The following DIP2A variants were observed in gnomAD, a reference collection of about 807,000 sequenced individuals.
DIP2A encodes DIP2 acetate--CoA ligase A.
In DIP2A, 85 loss-of-function variants were observed where a neutral mutation model predicts 177.4. The ratio of observed to expected loss-of-function variants is 0.48; its 90% CI spans 0.40 to 0.57. DIP2A has a LOEUF of 0.57. Among genes scored for constraint, DIP2A ranks in the 20% least tolerant of loss-of-function variants. The probability of loss-of-function intolerance (pLI) is 0.00; values close to 1 mark genes in which losing one functional copy is unlikely to be tolerated. For missense variants in DIP2A, 1,791 were observed against 2,100.2 expected, an observed-to-expected ratio of 0.85 and a Z score of 2.88; for synonymous variants, 886 against 881.8, an observed-to-expected ratio of 1.00 and a Z score of -0.08.
At chr21:46,532,099 G>A (rs773525064) in intron 9 of DIP2A, 28 bp from the exon 10 acceptor site, 2 of 1,580,480 alleles carry the variant, frequency 1.3e-6, no homozygotes, top group Admixed American at 1.8e-5. Context: ...TGGAAATTTG[G>A]AATATTCATT....
chr21:46,483,012 G>C (rs567885281), intron 1 of DIP2A, among the ~76,000 whole-genome samples: 1 of 152,322 alleles, frequency 6.6e-6, no homozygotes, highest in East Asian at 1.9e-4. Flanking sequence ...GAGCATGTTG[G>C]TGTGGGTGGT....
chr21:46,555,091 A>G (rs2060416424), intron 28 of DIP2A, among the ~76,000 whole-genome samples, 158 bp downstream of exon 28: 3 of 152,168 alleles, frequency 2.0e-5, no homozygotes. Flanking sequence ...GGTGGGGAGT[A>G]GGGGTCCCTG....
intron 22 of DIP2A, among the ~76,000 whole-genome samples, chr21:46,550,272 C>A (rs777071023): frequency 2.6e-5 from 4 of 152,206 alleles, no homozygotes; most frequent in Admixed American, 6.5e-5. Flanking sequence ...TCACCATCAT[C>A]TCCTCATTGC....
the DIP2A span, among the ~76,000 whole-genome samples, chr21:46,582,087 C>G: frequency 6.6e-6 from 1 of 152,142 alleles, no homozygotes; most frequent in African/African-American, 2.4e-5. Context: ...TGCCCATCCC[C>G]CTAAGGACTC....
chr21:46,563,625 A>G lies in DIP2A; in HGVS notation c.4090-233A>G, dbSNP rs2060741680. On this transcript the variant is annotated intron_variant, in intron 34 of 37. Coordinates refer to ENST00000417564, the MANE Select transcript of DIP2A (RefSeq NM_015151.4). This position sits in a 1 kb window ranked among gnomAD's most constrained non-coding sequence, Gnocchi z 4.3. ...TGACCCTCTGCCCCTCCTGACACCCAGAGACGGGATCCCTTCTCAGGAACT... is the reference window on the plus strand; with the variant it reads ...TGACCCTCTGCCCCTCCTGACACCCGGAGACGGGATCCCTTCTCAGGAACT... The G allele has an allele frequency of 1.6e-6, 1 of 638,016 alleles. No individual in the cohort carries two copies. Among genetic ancestry groups the G allele is most frequent in the Non-Finnish European group, 2.5e-6 (1 of 403,432 alleles). The allele number at this position is 638,016 out of a possible 1,614,324, so 39.5% of individuals were successfully genotyped here. A position where few individuals can be genotyped will look rare whatever the true frequency, so the allele number is the denominator to read the frequency against.
intron 9 of DIP2A, among the ~76,000 whole-genome samples, chr21:46,529,622 A>C (rs1011369296): frequency 1.3e-5 from 2 of 150,912 alleles, no homozygotes; most frequent in African/African-American, 4.9e-5. Context: ...AAAAAAAAGC[A>C]GTGAAAAATA....
At chr21:46,540,767 A>G (rs9983952) in intron 17 of DIP2A, among the ~76,000 whole-genome samples, 1 of 152,188 alleles carries the variant, frequency 6.6e-6, no homozygotes, top group Admixed American at 6.5e-5. Context: ...TAATCCCAGC[A>G]CTTTGGGAGG....
At chr21:46,500,166 A>G (rs779215277) in intron 5 of DIP2A, among the ~76,000 whole-genome samples, 1 of 152,144 alleles carries the variant, frequency 6.6e-6, no homozygotes, top group Non-Finnish European at 1.5e-5. Context: ...TTGTGTTTCC[A>G]TTGAACATGT....
chr21:46,478,243 G>A (rs1470088199), intron 1 of DIP2A, among the ~76,000 whole-genome samples: 2 of 149,890 alleles, frequency 1.3e-5, no homozygotes, highest in East Asian at 2.0e-4. Context: ...AGGGAGTTTC[G>A]CTCTTGTTGC....
intron 8 of DIP2A, among the ~76,000 whole-genome samples, chr21:46,526,912 C>T (rs2059119279): frequency 2.0e-5 from 3 of 152,182 alleles, no homozygotes; most frequent in Admixed American, 2.0e-4. Flanking sequence ...CCTTTACTTA[C>T]TTCTCTCAGA....
intron 8 of DIP2A, among the ~76,000 whole-genome samples, chr21:46,519,645 T>A (rs1360447289): frequency 6.6e-6 from 1 of 152,120 alleles, no homozygotes; most frequent in Non-Finnish European, 1.5e-5. Context: ...GATTAATAAG[T>A]GTTCAGTTTA....
chr21:46,568,944 A>G lies in DIP2A; in HGVS notation c.*1322A>G, dbSNP rs1378199519. 6.6e-6 allele frequency: 1 copy of G among 152,190 alleles called. No homozygotes were observed. The highest frequency in any genetic ancestry group is 2.4e-5 in the African/African-American group (1 of 41,462). The allele number at this position is 152,190 out of a possible 1,614,324, so 9.4% of individuals were successfully genotyped here. A position where few individuals can be genotyped will look rare whatever the true frequency, so the allele number is the denominator to read the frequency against. On this transcript the variant is annotated 3_prime_UTR_variant, in exon 38 of 38. Transcript: ENST00000417564. ...TGTGCCTATAAAATTTGGCCAAACC[A>G]TTTTATTATTTTGTTCAAACTTGAC...
At position 46,557,025 on chromosome 21, in the gene DIP2A, C is replaced by T. The variant is rs931766422; in HGVS notation, c.3585C>T (p.Leu1195=). Residue 1195 remains leucine (L), a synonymous_variant, in exon 30 of 38, where the codon CTC becomes CTT. Coordinates refer to ENST00000417564, the MANE Select transcript of DIP2A (RefSeq NM_015151.4). The surrounding 1 kb of genome is among the most constrained non-coding windows in gnomAD (Gnocchi z 6.0). ...CCTCGCGGCAGATCGCCATCTGCCT[C>T]GACCCCTACTGTGGCCTTGGTTTTG... ...LYPSRQIAIC[L]DPYCGLGFAL... 1.9e-5 allele frequency: 30 copies of T among 1,603,982 alleles called. No homozygotes were observed. The highest frequency in any genetic ancestry group is 6.7e-5 in the East Asian group (3 of 44,558).
chr21:46,560,929 C>G, intron 33 of DIP2A, 146 bp downstream of exon 33: 1 of 1,472,096 alleles, frequency 6.8e-7, no homozygotes, highest in Non-Finnish European at 9.0e-7. Flanking sequence ...TGGATGGGCA[C>G]ATGAGAGGAC....
chr21:46,547,478 C>A (rs568624487), intron 21 of DIP2A, among the ~76,000 whole-genome samples: 1 of 152,170 alleles, frequency 6.6e-6, no homozygotes, highest in East Asian at 1.9e-4. Context: ...AAAGCAAGGA[C>A]CTTAGAGATT....
chr21:46,547,547 G>A (rs1569087662), intron 21 of DIP2A, among the ~76,000 whole-genome samples: 2 of 150,542 alleles, frequency 1.3e-5, no homozygotes, highest in African/African-American at 2.4e-5. Flanking sequence ...GCCAGGAAGA[G>A]AATTTTGCTT....
At chr21:46,490,295 C>T (rs1391747737) in intron 2 of DIP2A, among the ~76,000 whole-genome samples, 1 of 152,002 alleles carries the variant, frequency 6.6e-6, no homozygotes, top group African/African-American at 2.4e-5. Context: ...TACCACGGCT[C>T]CCACCCCTGA....
chr21:46,459,962 T>G (rs756131128), intron 1 of DIP2A, among the ~76,000 whole-genome samples: 2 of 152,114 alleles, frequency 1.3e-5, no homozygotes, highest in African/African-American at 2.4e-5. Context: ...TGGTCTGGGC[T>G]TCACCAGGAT....
chr21:46,485,584 AG>A (rs1270732496), intron 2 of DIP2A, among the ~76,000 whole-genome samples: 1 of 152,192 alleles, frequency 6.6e-6, no homozygotes, highest in East Asian at 1.9e-4. Flanking sequence ...AAAATCTTAC[AG>A]GAAGATTGTT....
Sources: allele counts gnomAD v4.1 joint callset (sites outside exome capture counted in the v4.1 genomes callset), GRCh38; gene constraint gnomAD v4.1.1; non-coding constraint Gnocchi (gnomAD v3.1); transcripts MANE v1.5; gene names NCBI Gene and HGNC (gene_info 2026-07-23, HGNC 2026-07-21).